The following CELA3A variants were observed in gnomAD, a reference collection of about 807,000 sequenced individuals.
CELA3A encodes chymotrypsin-like elastase family member 3A.
CELA3A carries 35 observed loss-of-function variants against 38.6 expected under a neutral mutation model. The observed-to-expected ratio is 0.91, with a 90% confidence interval of 0.69 to 1.20. The LOEUF (loss-of-function observed/expected upper bound fraction) is 1.20, where lower values mean the gene tolerates loss of function less well. CELA3A is among the 50% of genes most tolerant of loss of function. The pLI is 0.00. For missense variants in CELA3A, 343 were observed against 354.2 expected (o/e 0.97, Z 0.25); for synonymous variants, 143 against 136.7 (o/e 1.05, Z -0.32).
chr1:22,006,851 G>A (rs1644953429), intron 4 of CELA3A, 27 bp from the exon 5 acceptor site: 1 of 1,607,754 alleles, frequency 6.2e-7, no homozygotes, highest in Non-Finnish European at 8.5e-7. Context: ...GGAGGACCAG[G>A]CCCCGTGACT....
intron 2 of CELA3A, 117 bp from the exon 3 acceptor site, chr1:22,005,330 G>C: frequency 2.3e-6 from 3 of 1,288,550 alleles, no homozygotes; most frequent in East Asian, 4.8e-5. Flanking sequence ...GGGTGCTCTC[G>C]TTTTCCATGT....
Position 22,001,815 on chromosome 1 carries a change from G to A in CELA3A, c.43+98G>A, listed in dbSNP as rs1644920315. 3.3e-6 allele frequency: 5 copies of A among 1,526,322 alleles called. No individual in the cohort carries two copies. In the South Asian group the frequency reaches 4.5e-5, roughly 14 times the overall value. 94.5% of individuals were successfully genotyped at this position (1,526,322 alleles called of 1,614,324 possible). ...CTGAGTCCCATGACATGCTATGCCT[G>A]GTTCCACAGGAGGGGGTCTCAGCTT... On this transcript the variant is annotated intron_variant, in intron 1 of 7. Transcript: ENST00000290122.
At chr1:22,010,045 G>A in intron 7 of CELA3A, 188 bp downstream of exon 7, 1 of 865,812 alleles carries the variant, frequency 1.2e-6, no homozygotes, top group Non-Finnish European at 1.7e-6. Context: ...GGAACTTGAT[G>A]GCTTCTGGGT....
Position 22,007,429 on chromosome 1 carries a change from A to C in CELA3A, c.556A>C (p.Lys186Gln). Residue 186 changes from lysine to glutamine, a missense_variant, in exon 6 of 8, where the codon AAG (lysine) becomes CAG (glutamine). Transcript: ENST00000290122. The stretch of plus-strand genomic sequence containing the variant: ...GGCCCGGCTGCCCGTGGTGGACTAT[A>C]AGCACTGCTCCAGGTGGAACTGGTG... ...QQARLPVVDYKHCSRWNWWGS... is the reference protein window; with the variant it reads ...QQARLPVVDYQHCSRWNWWGS... 6.2e-7 allele frequency: 1 copy of C among 1,612,536 alleles called. No homozygotes were observed. Among genetic ancestry groups the C allele is most frequent in the South Asian group, 1.1e-5 (1 of 91,026 alleles).
intron 7 of CELA3A, chr1:22,010,326 AG>A (rs1306762281): frequency 5.5e-6 from 2 of 365,984 alleles, no homozygotes; most frequent in Non-Finnish European, 5.6e-6. Flanking sequence ...ACAAAAAAAA[AG>A]AGAGTAATAG....
chr1:22,008,914 C>T (rs1272052792), intron 6 of CELA3A, among the ~76,000 whole-genome samples: 1 of 151,866 alleles, frequency 6.6e-6, no homozygotes, highest in East Asian at 1.9e-4. Context: ...ATGTAATTCC[C>T]TAGGCTCTTG....
At chr1:22,004,043 T>C (rs1168156111) in intron 2 of CELA3A, among the ~76,000 whole-genome samples, 1 of 147,836 alleles carries the variant, frequency 6.8e-6, no homozygotes, top group East Asian at 2.0e-4. Context: ...ATTCATTTCC[T>C]CAGTGCTTTT....
intron 6 of CELA3A, among the ~76,000 whole-genome samples, chr1:22,009,017 A>G (rs1644967896): frequency 6.6e-6 from 1 of 151,592 alleles, no homozygotes; most frequent in African/African-American, 2.4e-5. Context: ...CGGCAGGTGG[A>G]TCACCTGAGG....
At position 22,009,794 on chromosome 1, in the gene CELA3A, CAA is replaced by C. The variant is rs1366935803; in HGVS notation, c.733_734del (p.Asn245LeufsTer19). ...VTSFVSAFGC[N>X]FIWKPTVFTR... ...CCAGCTTTGTTTCTGCCTTTGGCTG[CAA>C]CTTCATCTGGAAGCCCACGGTGTTC... On this transcript the variant is annotated frameshift_variant, in exon 7 of 8. Coordinates refer to ENST00000290122, the MANE Select transcript of CELA3A (RefSeq NM_005747.5). LOFTEE classifies it high-confidence loss of function. 6.2e-7 allele frequency: 1 copy of C among 1,611,972 alleles called. No individual in the cohort carries two copies. Among genetic ancestry groups the C allele is most frequent in the African/African-American group, 1.3e-5 (1 of 74,116 alleles).
At chr1:22,004,357 G>A (rs1644936466) in intron 2 of CELA3A, among the ~76,000 whole-genome samples, 1 of 151,162 alleles carries the variant, frequency 6.6e-6, no homozygotes, top group Non-Finnish European at 1.5e-5. Flanking sequence ...ATAGGCGTAA[G>A]CCACCATGCT....
chr1:22,005,567 G>C (rs766401051), intron 3 of CELA3A, 23 bp downstream of exon 3: 2 of 1,612,608 alleles, frequency 1.2e-6, no homozygotes, highest in Admixed American at 1.7e-5. Flanking sequence ...CCCTGTCCCT[G>C]CCTGTGGCCC....
chr1:22,009,173 G>T (rs1392772260), intron 6 of CELA3A, among the ~76,000 whole-genome samples: 7 of 151,222 alleles, frequency 4.6e-5, no homozygotes, highest in Admixed American at 3.9e-4. Context: ...AGACCATCCT[G>T]GCTAACACGG....
intron 2 of CELA3A, 146 bp downstream of exon 2, chr1:22,003,234 T>C (rs1239338140): frequency 1.5e-5 from 13 of 883,362 alleles, no homozygotes; most frequent in Admixed American, 1.4e-4. Context: ...GACCATCTAC[T>C]TCACGGGGAG....
intron 6 of CELA3A, among the ~76,000 whole-genome samples, chr1:22,008,301 C>T (rs1644963334): frequency 6.6e-6 from 1 of 150,442 alleles, no homozygotes; most frequent in South Asian, 2.1e-4. Context: ...CAAGTGTGTG[C>T]CACAATGCCT....
intron 2 of CELA3A, among the ~76,000 whole-genome samples, chr1:22,005,113 A>C (rs570369232): frequency 1.3e-5 from 2 of 151,006 alleles, no homozygotes; most frequent in South Asian, 4.2e-4. Flanking sequence ...AAAAAAAAAA[A>C]ACTCACAGGG....
chr1:22,005,372 A>G, intron 2 of CELA3A, 75 bp from the exon 3 acceptor site: 1 of 1,564,656 alleles, frequency 6.4e-7, no homozygotes, highest in Non-Finnish European at 8.8e-7. Flanking sequence ...CACAGTGCAC[A>G]ACCTATACAG....
In CELA3A at chr1:22,001,689, G is replaced by A. The variant is rs143850203; in HGVS notation, c.15G>A (p.Leu5=). MMLR[L]LSSLLLVAVA... ...TCACAAAACTCATGATGCTCCGGCT[G>A]CTCAGTTCCCTCCTCCTTGTGGCCG... The change falls in exon 1 of 8, where the codon CTG becomes CTA. Residue 5 remains leucine (L), a synonymous_variant. Transcript: ENST00000290122. 645 of 1,612,180 alleles carry A rather than the reference G, an allele frequency of 4.0e-4. 27 individuals are homozygous for A. The African/African-American group carries it at 7.8e-3, about 19-fold the overall frequency.
At chr1:22,010,352 G>GC (rs1644976347) in intron 7 of CELA3A, among the ~76,000 whole-genome samples, 1 of 151,182 alleles carries the variant, frequency 6.6e-6, no homozygotes, top group Non-Finnish European at 1.5e-5. Context: ...GCATGGCATA[G>GC]TCATGCCTGT....
chr1:22,005,876 C>T, intron 4 of CELA3A, 80 bp downstream of exon 4: 1 of 1,601,306 alleles, frequency 6.2e-7, no homozygotes. Context: ...TGAGTAGGCT[C>T]CAACTCTGAG....
Sources: allele counts gnomAD v4.1 joint callset (sites outside exome capture counted in the v4.1 genomes callset), GRCh38; gene constraint gnomAD v4.1.1; transcripts MANE v1.5; gene names NCBI Gene and HGNC (gene_info 2026-07-23, HGNC 2026-07-21).